Variants in PKD1 observed in about 807,000 individuals in gnomAD.
PKD1 encodes polycystin 1, transient receptor potential channel interacting.
In PKD1, 81 loss-of-function variants were observed where a neutral mutation model predicts 361.7. The observed-to-expected ratio is 0.22, with a 90% CI of 0.19 to 0.27. The LOEUF is 0.27. PKD1 is among the 10% of genes least tolerant of loss of function. The pLI, the probability that PKD1 is intolerant of heterozygous loss-of-function variation, is 1.00. For synonymous variants in PKD1, 3,615 were observed against 2,818.3 expected (o/e 1.28, Z -8.95); for missense variants, 6,399 against 6,118.3 (o/e 1.05, Z -1.53).
intron 12 of PKD1, 30 bp downstream of exon 12, chr16:2,113,131 C>G (rs1252207314): frequency 1.4e-6 from 1 of 699,310 alleles, no homozygotes; most frequent in Admixed American, 2.1e-5. Context: ...CCCGCCCCAT[C>G]CCCTCCCCTC....
chr16:2,117,724 G>A (rs2092663738), intron 5 of PKD1, 52 bp from the exon 6 acceptor site: 1 of 1,359,010 alleles, frequency 7.4e-7, no homozygotes, highest in South Asian at 1.2e-5. Context: ...GCCCAAGACG[G>A]GGGTACCAGG....
chr16:2,125,228 C>T lies in PKD1; in HGVS notation c.216-5850G>A, dbSNP rs560850812. Among the ~76,000 whole-genome samples the T allele has an allele frequency of 1.8e-4, 27 of 152,022 alleles. No individual in the cohort carries two copies. In the South Asian group the frequency reaches 4.4e-3, roughly 25 times the overall value. ...CATTTGAAAAAAAACAGTGCAGCCC[C>T]GGGCTGGGCAGATGGCTGCTGGCTC... is the stretch of plus-strand genomic sequence containing the variant. On this transcript the variant is annotated intron_variant, in intron 1 of 45. Transcript: ENST00000262304.
Position 2,094,559 on chromosome 16 carries a change from A to G in PKD1, c.10500-349T>C, listed in dbSNP as rs563762219. Among the ~76,000 whole-genome samples, 526 of 152,354 alleles carry G rather than the reference A, an allele frequency of 3.5e-3. 1 individual carries two copies. The highest frequency in any genetic ancestry group is 0.012 in the African/African-American group (507 of 41,580). ...CCCTGCAAACTATGATTGGGTCTCA[A>G]CCATCCAACAAGCATCTCTACAATC... On this transcript the variant is annotated intron_variant, in intron 34 of 45. Transcript: ENST00000262304.
Position 2,093,995 on chromosome 16 carries a change from C to T in PKD1, c.10637G>A (p.Arg3546Gln), listed in dbSNP as rs746925335. ...ACACCAGGCCGGCAGCAGGCGCTTC[C>T]GCAGACCCTCCACCAGTCCTGGGGA... The part of the protein sequence containing the change: ...LSRTGLVEGL[R>Q]KRLLPAWCAS... The change falls in exon 36 of 46, where the codon CGG becomes CAG. Residue 3546 changes from arginine (R) to glutamine (Q), a missense_variant. By Grantham distance (43) the Arg-to-Gln change is conservative. Coordinates refer to ENST00000262304, the MANE Select transcript of PKD1 (RefSeq NM_001009944.3). 3.8e-5 allele frequency: 60 copies of T among 1,587,700 alleles called. No individual in the cohort carries two copies. The highest frequency in any genetic ancestry group is 2.8e-4 in the South Asian group (25 of 87,984).
chr16:2,089,703 GC>G lies in PKD1; in HGVS notation c.*23del. 1 of 1,559,230 alleles carries G rather than the reference GC, an allele frequency of 6.4e-7. No individual in the cohort carries two copies. On this transcript the variant is annotated 3_prime_UTR_variant, in exon 46 of 46. Coordinates refer to ENST00000262304, the MANE Select transcript of PKD1 (RefSeq NM_001009944.3). Reference sequence around the variant, plus strand: ...GAGCGGTGTCCACTCCGACTCCACGGCCCACCCCCGCCAGGAAGGAGGACTA... The same window carrying G: ...GAGCGGTGTCCACTCCGACTCCACGGCCACCCCCGCCAGGAAGGAGGACTA...
Position 2,089,786 on chromosome 16 carries a change from T to C in PKD1, c.12853A>G (p.Thr4285Ala), listed in dbSNP as rs1341672915. 5.0e-6 allele frequency: 8 copies of C among 1,597,588 alleles called. No homozygotes were observed. In the Admixed American group the frequency reaches 8.7e-5, roughly 17 times the overall value. ...ARASRGVDLA[T>A]GPSRTPLRAK... ...CGAAGGGGTGTCCTGCTGGGGCCAG[T>C]GGCCAGGTCCACACCCCGACTGGCC... The change falls in exon 46 of 46, where the codon ACT (threonine) becomes GCT (alanine). Residue 4285 changes from threonine (T) to alanine (A), a missense_variant. Transcript: ENST00000262304.
chr16:2,124,178 C>T (rs1420878240), intron 1 of PKD1, among the ~76,000 whole-genome samples: 7 of 152,230 alleles, frequency 4.6e-5, no homozygotes, highest in Non-Finnish European at 8.8e-5. Flanking sequence ...GCTGCCCCTC[C>T]ACACCCGTCA....
In PKD1 at chr16:2,097,162, G is replaced by A. The variant is rs200408375; in HGVS notation, c.10485C>T (p.Asp3495=). ...APTQDTHMET[D]LLSSLSSTPG... The stretch of plus-strand genomic sequence containing the variant: ...CGGACACTCACAGGCTGCTGAGCAG[G>A]TCCGTTTCCATGTGGGTGTCTTGGG... Residue 3495 remains aspartate (D), a synonymous_variant, in exon 34 of 46, where the codon GAC becomes GAT. Transcript: ENST00000262304. 1.4e-5 allele frequency: 21 copies of A among 1,552,444 alleles called. No individual in the cohort carries two copies. In the East Asian group the frequency reaches 4.4e-4, roughly 32 times the overall value.
chr16:2,122,052 G>T (rs912043824), intron 1 of PKD1, among the ~76,000 whole-genome samples: 1 of 152,270 alleles, frequency 6.6e-6, no homozygotes, highest in Non-Finnish European at 1.5e-5. Context: ...AGGCTGCCCG[G>T]TGGGGCCCGG....
chr16:2,133,481 C>CTG (rs2092913493), intron 1 of PKD1, among the ~76,000 whole-genome samples: 1 of 146,754 alleles, frequency 6.8e-6, no homozygotes. Flanking sequence ...CAGCTGTGAT[C>CTG]TGTGTCCTTC....
In PKD1 at chr16:2,106,703, G is replaced by A. The variant is rs779375051; in HGVS notation, c.7210-26C>T. On this transcript the variant is annotated intron_variant, in intron 17 of 45. Coordinates refer to ENST00000262304, the MANE Select transcript of PKD1 (RefSeq NM_001009944.3). This position sits in a 1 kb window ranked among gnomAD's most constrained non-coding sequence, Gnocchi z 6.5. Reference sequence around the variant, plus strand: ...CTGCAGGCAGAAGGGGTGGTGAGGGGGCGCAACCCTCTGCCCTGTCAGCCC... The same window carrying A: ...CTGCAGGCAGAAGGGGTGGTGAGGGAGCGCAACCCTCTGCCCTGTCAGCCC... The A allele has an allele frequency of 1.3e-5, 20 of 1,578,344 alleles. No individual in the cohort carries two copies. Among genetic ancestry groups the A allele is most frequent in the Admixed American group, 1.2e-4 (7 of 58,992 alleles).
Position 2,090,036 on chromosome 16 carries a change from C to G in PKD1, c.12603G>C (p.Leu4201=). The part of the protein sequence containing the change: ...SSQLDGLSVS[L]GRLGTRCEPE... The stretch of plus-strand genomic sequence containing the variant: ...GCTCACACCTTGTCCCCAGCCGGCC[C>G]AGGCTCACGCTCAGCCCATCCAGCT... Residue 4201 remains leucine, a synonymous_variant, in exon 46 of 46, where the codon CTG becomes CTC. Transcript: ENST00000262304. 10 of 1,611,334 alleles carry G rather than the reference C, an allele frequency of 6.2e-6. No individual in the cohort carries two copies. Among genetic ancestry groups the G allele is most frequent in the South Asian group, 4.4e-5 (4 of 90,956 alleles).
At chr16:2,107,813 C>T (rs547766080) in intron 16 of PKD1, 70 bp downstream of exon 16, 268 of 1,463,370 alleles carry the variant, frequency 1.8e-4, no homozygotes, top group Non-Finnish European at 2.3e-4. Flanking sequence ...CACTAAAACA[C>T]GGAAAACAGT....
chr16:2,126,010 G>GC (rs1567225917), intron 1 of PKD1, among the ~76,000 whole-genome samples: 1 of 152,070 alleles, frequency 6.6e-6, no homozygotes, highest in Non-Finnish European at 1.5e-5. Context: ...ATGGTGGGGG[G>GC]GGGGGCAAGC....
Position 2,105,885 on chromosome 16 carries a change from G to A in PKD1, c.7843C>T (p.Leu2615=), listed in dbSNP as rs771676768. The A allele has an allele frequency of 5.0e-6, 8 of 1,596,110 alleles. No individual in the cohort carries two copies. The African/African-American group carries it at 5.3e-5, about 11-fold the overall frequency. The change falls in exon 20 of 46, where the codon CTG becomes TTG. Residue 2615 remains leucine, a synonymous_variant. Coordinates refer to ENST00000262304, the MANE Select transcript of PKD1 (RefSeq NM_001009944.3). ...PQHVIEYSLA[L]VTVLNEYERA... is the part of the protein sequence containing the mutation. ...CTCACCTCGTTCAGCACGGTGACCA[G>A]GGCCAACGAGTACTCGATGACGTGC...
rs562849352 is a variant in PKD1, at chr16:2,117,720, G to T, written c.1202-48C>A. On this transcript the variant is annotated intron_variant, in intron 5 of 45. Transcript: ENST00000262304. ...GTGTCAACGGTCAGTGTGGGCCCAA[G>T]ACGGGGGTACCAGGCTCTGCCCCAT... 1.7e-4 allele frequency: 243 copies of T among 1,392,214 alleles called. No individual in the cohort carries two copies. The African/African-American group carries it at 2.8e-3, about 16-fold the overall frequency. 86.2% of individuals were successfully genotyped at this position (1,392,214 alleles called of 1,614,324 possible).
rs574313228 is a variant in PKD1 at position 2,118,081 on chromosome 16, C to A, written c.911G>T (p.Arg304Leu). The A allele has an allele frequency of 5.0e-6, 8 of 1,606,770 alleles. No individual in the cohort carries two copies. Among genetic ancestry groups the A allele is most frequent in the East Asian group, 2.2e-5 (1 of 44,846 alleles). The change falls in exon 5 of 46, where the codon CGC becomes CTC. Residue 304 changes from arginine (R) to leucine (L), a missense_variant. By Grantham distance (102) the Arg-to-Leu change is moderately radical. Coordinates refer to ENST00000262304, the MANE Select transcript of PKD1 (RefSeq NM_001009944.3). This position sits in a 1 kb window ranked among gnomAD's most constrained non-coding sequence, Gnocchi z 6.0. ...GGCGGAGCCGTCTCCGAAGTCCCAG[C>A]GTGTGGCAGTGACAGGGAGCGGGGC... is the stretch of plus-strand genomic sequence containing the variant. ...IAAPLPVTAT[R>L]WDFGDGSAEV...
intron 21 of PKD1, 139 bp from the exon 22 acceptor site, chr16:2,104,781 C>T: frequency 2.5e-6 from 2 of 786,108 alleles, no homozygotes. Flanking sequence ...CCCACAGCCT[C>T]CTCACTAAGC....
intron 1 of PKD1, among the ~76,000 whole-genome samples, chr16:2,120,765 T>C (rs1430516508): frequency 6.6e-6 from 1 of 152,150 alleles, no homozygotes; most frequent in African/African-American, 2.4e-5. Context: ...ACTCCTGTAA[T>C]GCCAGAACTT....
Sources: allele counts gnomAD v4.1 joint callset (sites outside exome capture counted in the v4.1 genomes callset), GRCh38; gene constraint gnomAD v4.1.1; non-coding constraint Gnocchi (gnomAD v3.1); transcripts MANE v1.5; gene names NCBI Gene and HGNC (gene_info 2026-07-23, HGNC 2026-07-21).